The following HIF1A variants were observed in gnomAD, a reference collection of about 807,000 sequenced individuals.
The protein encoded by HIF1A is hypoxia inducible factor 1 subunit alpha.
Under a neutral mutation model 92.7 loss-of-function variants are expected in HIF1A, and 24 were observed. That is an observed-to-expected ratio of 0.26 (90% confidence interval 0.19 to 0.36). HIF1A has a LOEUF of 0.36. Among genes scored for constraint, HIF1A ranks in the 10% least tolerant of loss-of-function variants. HIF1A has a pLI of 1.00. For missense variants in HIF1A, 799 were observed against 998.5 expected, an observed-to-expected ratio of 0.80 and a Z score of 2.69; for synonymous variants, 319 against 338.7, an observed-to-expected ratio of 0.94 and a Z score of 0.64.
intron 1 of HIF1A, among the ~76,000 whole-genome samples, chr14:61,717,757 C>T (rs1381872983): frequency 4.6e-5 from 7 of 152,138 alleles, no homozygotes; most frequent in Admixed American, 2.0e-4. Context: ...AGCATATACT[C>T]GCGCCTGTAA....
At chr14:61,711,294 T>C (rs930407938) in intron 1 of HIF1A, among the ~76,000 whole-genome samples, 1 of 140,272 alleles carries the variant, frequency 7.1e-6, no homozygotes, top group Non-Finnish European at 1.5e-5. Context: ...AGCCTTGAAC[T>C]CCTGGGCTCA....
intron 6 of HIF1A, among the ~76,000 whole-genome samples, chr14:61,727,892 G>T (rs955585768): frequency 6.6e-6 from 1 of 151,776 alleles, no homozygotes; most frequent in Non-Finnish European, 1.5e-5. Context: ...TTAGTGGGAC[G>T]TGGTGGCAGG....
chr14:61,715,662 A>C (rs2044355420), intron 1 of HIF1A: 1 of 152,198 alleles, frequency 6.6e-6, no homozygotes, highest in South Asian at 2.1e-4. Context: ...TTAGAATACC[A>C]CTGTGTTATT....
intron 1 of HIF1A, among the ~76,000 whole-genome samples, chr14:61,696,233 G>C (rs1010215572): frequency 6.6e-6 from 1 of 152,260 alleles, no homozygotes; most frequent in Non-Finnish European, 1.5e-5. Flanking sequence ...CTCGGTAGCC[G>C]CGGTTTGCAC....
chr14:61,697,076 C>A (rs926786298), intron 1 of HIF1A, among the ~76,000 whole-genome samples: 1 of 152,182 alleles, frequency 6.6e-6, no homozygotes, highest in African/African-American at 2.4e-5. Flanking sequence ...ACTGGCTTTG[C>A]TGTTAAATCC....
chr14:61,735,918 T>C (rs1005984379), intron 8 of HIF1A, among the ~76,000 whole-genome samples: 2 of 152,236 alleles, frequency 1.3e-5, no homozygotes, highest in African/African-American at 2.4e-5. Context: ...GATTTGTTGG[T>C]GTCTTTCATG....
In HIF1A at chr14:61,710,787, G is replaced by A. The variant is rs1042459385; in HGVS notation, c.36-9595G>A. ...CTTAAAAAAACAAAGCTGGCCAGGC[G>A]CGGTGGCTCACGCCTGTAATCCCAG... On this transcript the variant is annotated intron_variant, in intron 1 of 14. Transcript: ENST00000337138. Among the ~76,000 whole-genome samples, 13 of 152,124 alleles carry A rather than the reference G, an allele frequency of 8.5e-5. No individual in the cohort carries two copies. In the East Asian group the frequency reaches 1.5e-3, roughly 18 times the overall value.
At chr14:61,735,161 C>A (rs988855956) in intron 8 of HIF1A, among the ~76,000 whole-genome samples, 1 of 152,212 alleles carries the variant, frequency 6.6e-6, no homozygotes, top group African/African-American at 2.4e-5. Flanking sequence ...ATGTCATCAT[C>A]TTATTTTCCT....
intron 1 of HIF1A, among the ~76,000 whole-genome samples, chr14:61,713,265 C>G (rs758228559): frequency 5.3e-5 from 8 of 152,098 alleles, no homozygotes; most frequent in Non-Finnish European, 8.8e-5. Flanking sequence ...TTCTTTACTT[C>G]GGAAGGATCT....
chr14:61,716,573 T>C (rs1032593064), intron 1 of HIF1A, among the ~76,000 whole-genome samples: 1 of 152,198 alleles, frequency 6.6e-6, no homozygotes, highest in Non-Finnish European at 1.5e-5. Flanking sequence ...TGACTTTAAA[T>C]GCCTACAATT....
intron 1 of HIF1A, 66 bp downstream of exon 1, chr14:61,695,905 CT>C: frequency 1.4e-6 from 2 of 1,452,324 alleles, no homozygotes; most frequent in Non-Finnish European, 1.9e-6. Context: ...CCGCCCTGGG[CT>C]CCTGGGCCGG....
At chr14:61,727,156 A>G (rs926546162) in intron 5 of HIF1A, among the ~76,000 whole-genome samples, 1 of 152,228 alleles carries the variant, frequency 6.6e-6, no homozygotes, top group Admixed American at 6.5e-5. Context: ...AAACATAGTC[A>G]TCAGTGCAAG....
At chr14:61,709,978 A>G (rs1435429203) in intron 1 of HIF1A, among the ~76,000 whole-genome samples, 1 of 152,176 alleles carries the variant, frequency 6.6e-6, no homozygotes, top group African/African-American at 2.4e-5. Context: ...TCTTGAAACT[A>G]GTTAATATTT....
intron 6 of HIF1A, among the ~76,000 whole-genome samples, chr14:61,729,454 T>TC (rs1241612410): frequency 7.1e-6 from 1 of 140,600 alleles, no homozygotes; most frequent in Non-Finnish European, 1.5e-5. Context: ...GGAGTGAGAC[T>TC]CCATCTCAAA....
chr14:61,733,098 T>A (rs2044595986), intron 7 of HIF1A, among the ~76,000 whole-genome samples: 1 of 152,136 alleles, frequency 6.6e-6, no homozygotes, highest in Non-Finnish European at 1.5e-5. Flanking sequence ...ATTTTATTTT[T>A]TTCTTTTGAG....
chr14:61,715,127 C>T (rs1259457710), intron 1 of HIF1A, among the ~76,000 whole-genome samples: 10 of 152,098 alleles, frequency 6.6e-5, no homozygotes, highest in African/African-American at 2.4e-4. Context: ...AATAGCTGCT[C>T]TGTACAAATA....
At chr14:61,699,784 C>T (rs539900279) in intron 1 of HIF1A, among the ~76,000 whole-genome samples, 2 of 152,238 alleles carry the variant, frequency 1.3e-5, no homozygotes, top group Non-Finnish European at 2.9e-5. Context: ...TTCTGCTTAA[C>T]TCTGGAAGGT....
chr14:61,695,990 A>G (rs1024366853), intron 1 of HIF1A, 151 bp downstream of exon 1: 40 of 694,432 alleles, frequency 5.8e-5, no homozygotes, highest in South Asian at 7.5e-5. Context: ...TCTTCCCCCA[A>G]CCTCGCCGGC....
rs2044810206 is a variant in HIF1A at position 61,747,605 on chromosome 14, A to C, written c.*520A>C. On this transcript the variant is annotated 3_prime_UTR_variant, in exon 15 of 15. Transcript: ENST00000337138. Reference sequence around the variant, plus strand: ...TACTCATGGAATATATTCTGCGTTTATAAAACTAGTTTTTAAGAAGAAATT... The same window carrying C: ...TACTCATGGAATATATTCTGCGTTTCTAAAACTAGTTTTTAAGAAGAAATT... The C allele has an allele frequency of 6.6e-6, 1 of 152,612 alleles. No homozygotes were observed. Among genetic ancestry groups the C allele is most frequent in the South Asian group, 2.1e-4 (1 of 4,836 alleles). 9.5% of individuals were successfully genotyped at this position (152,612 alleles called of 1,614,324 possible). A position where few individuals can be genotyped will look rare whatever the true frequency, so the allele number is the denominator to read the frequency against.
Sources: gnomAD v4.1 joint callset for allele counts (sites outside exome capture counted in the v4.1 genomes callset) on GRCh38, gnomAD v4.1.1 for gene constraint, MANE v1.5 for transcripts, NCBI Gene and HGNC (gene_info 2026-07-23, HGNC 2026-07-21) for gene names.